Variants in MS4A4A observed in about 807,000 individuals in gnomAD.
MS4A4A encodes membrane spanning 4-domains A4A, also known as membrane-spanning 4-domains subfamily A member 4A.
MS4A4A carries 26 observed loss-of-function variants against 28.0 expected under a neutral mutation model. That is an observed-to-expected ratio of 0.93 (90% CI 0.68 to 1.29). The LOEUF (loss-of-function observed/expected upper bound fraction) is 1.29, where lower values mean the gene tolerates loss of function less well. Ranked by LOEUF, MS4A4A falls within the 50% of genes most tolerant of loss-of-function variation. The pLI is 0.00. For missense variants in MS4A4A, 290 were observed against 293.1 expected, an observed-to-expected ratio of 0.99 and a Z score of 0.08; for synonymous variants, 86 against 100.8, an observed-to-expected ratio of 0.85 and a Z score of 0.88.
intron 1 of MS4A4A, chr11:60,282,828 T>C (rs2084767278): frequency 1.0e-5 from 10 of 1,004,706 alleles, no homozygotes; most frequent in Non-Finnish European, 1.3e-6. Flanking sequence ...TGGTGAAATA[T>C]AAAAGAAGGC....
chr11:60,300,542 G>A (rs2084942883), intron 3 of MS4A4A, among the ~76,000 whole-genome samples: 1 of 150,098 alleles, frequency 6.7e-6, no homozygotes, highest in South Asian at 2.1e-4. Flanking sequence ...CGTGAACCCG[G>A]GAGGCGGAGC....
rs967278112 is a variant in MS4A4A at position 60,302,435 on chromosome 11, A to G, written c.388-124A>G. On this transcript the variant is annotated intron_variant, in intron 4 of 6. Coordinates refer to ENST00000337908, the MANE Select transcript of MS4A4A (RefSeq NM_148975.3). ...TTGAAACCACAAGACAAGTTAGAAG[A>G]CTATTGAAATAATCAAGATAATGAT... is the stretch of plus-strand genomic sequence containing the variant. The G allele has an allele frequency of 1.1e-5, 10 of 949,204 alleles. No homozygotes were observed. In the East Asian group the frequency reaches 2.6e-4, roughly 25 times the overall value. 58.8% of individuals were successfully genotyped at this position (949,204 alleles called of 1,614,324 possible).
chr11:60,300,482 G>C (rs2084941954), intron 3 of MS4A4A, among the ~76,000 whole-genome samples: 1 of 151,838 alleles, frequency 6.6e-6, no homozygotes, highest in Admixed American at 6.6e-5. Flanking sequence ...CCAGCGTAGT[G>C]GCGGGCTCCT....
chr11:60,305,460 T>C (rs1319305380), intron 5 of MS4A4A, among the ~76,000 whole-genome samples: 3 of 152,214 alleles, frequency 2.0e-5, no homozygotes, highest in African/African-American at 4.8e-5. Context: ...CTATGTTGCT[T>C]GGTTTGTCAT....
intron 2 of MS4A4A, among the ~76,000 whole-genome samples, chr11:60,295,054 T>C (rs141454415): frequency 2.3e-4 from 35 of 152,138 alleles, no homozygotes; most frequent in African/African-American, 8.4e-4. Context: ...ATGGAGATTG[T>C]ATTAAATCTA....
intron 3 of MS4A4A, among the ~76,000 whole-genome samples, chr11:60,300,624 A>G (rs2084945349): frequency 6.7e-6 from 1 of 150,232 alleles, no homozygotes; most frequent in Non-Finnish European, 1.5e-5. Flanking sequence ...TCAAAAAAAA[A>G]AAAAAAAAAA....
At chr11:60,301,162 C>G in intron 4 of MS4A4A, 105 bp downstream of exon 4, 1 of 948,356 alleles carries the variant, frequency 1.1e-6, no homozygotes, top group Non-Finnish European at 1.5e-6. Context: ...TGTAAAAAAT[C>G]AGGAGCGATT....
rs1433016682 is a variant in MS4A4A at position 60,289,489 on chromosome 11, G to T, written c.42-2736G>T. Among the ~76,000 whole-genome samples, 4 of 152,140 alleles carry T rather than the reference G, an allele frequency of 2.6e-5. No homozygotes were observed. The East Asian group carries it at 7.7e-4, about 29-fold the overall frequency. On this transcript the variant is annotated intron_variant, in intron 1 of 6. Coordinates refer to ENST00000337908, the MANE Select transcript of MS4A4A (RefSeq NM_148975.3). ...CATCCTGGGTTTCTATGATCTACAA[G>T]ATTTCTGCTACTCCTTTGCTGTTTT...
chr11:60,295,885 T>G (rs1319596575), intron 2 of MS4A4A, among the ~76,000 whole-genome samples: 1 of 152,168 alleles, frequency 6.6e-6, no homozygotes, highest in Non-Finnish European at 1.5e-5. Flanking sequence ...TTAGATTTAG[T>G]TTGCAGATAT....
chr11:60,283,861 C>T (rs1035393975), intron 1 of MS4A4A, among the ~76,000 whole-genome samples: 1 of 152,242 alleles, frequency 6.6e-6, no homozygotes, highest in Non-Finnish European at 1.5e-5. Flanking sequence ...AATATACCTA[C>T]TCCATCGCAT....
chr11:60,300,343 G>A (rs1375431816), intron 3 of MS4A4A, among the ~76,000 whole-genome samples: 4 of 152,010 alleles, frequency 2.6e-5, no homozygotes, highest in African/African-American at 9.7e-5. Context: ...TTGGCCGGGC[G>A]CAGTGGCTCA....
chr11:60,286,808 G>A (rs1300256823), intron 1 of MS4A4A, among the ~76,000 whole-genome samples: 1 of 152,064 alleles, frequency 6.6e-6, no homozygotes, highest in Non-Finnish European at 1.5e-5. Context: ...GTTAGATCTT[G>A]TTTTTTAAAA....
intron 5 of MS4A4A, among the ~76,000 whole-genome samples, chr11:60,304,494 G>T (rs894582642): frequency 5.3e-4 from 80 of 152,314 alleles, no homozygotes; most frequent in African/African-American, 1.6e-3. Context: ...CTTTATGCCT[G>T]TTCTTATAGC....
intron 1 of MS4A4A, among the ~76,000 whole-genome samples, chr11:60,282,134 T>G (rs1383652833): frequency 1.3e-5 from 2 of 152,162 alleles, no homozygotes; most frequent in African/African-American, 4.8e-5. Flanking sequence ...TACCAAAGAA[T>G]TATGGGAAAG....
At chr11:60,292,162 A>G (rs2084862604) in intron 1 of MS4A4A, 63 bp from the exon 2 acceptor site, 2 of 1,471,048 alleles carry the variant, frequency 1.4e-6, no homozygotes, top group Non-Finnish European at 1.8e-6. Context: ...AACCTGCCCC[A>G]AAGTGTCATG....
intron 1 of MS4A4A, among the ~76,000 whole-genome samples, chr11:60,284,318 T>C (rs1262577444): frequency 1.3e-5 from 2 of 152,236 alleles, no homozygotes; most frequent in African/African-American, 4.8e-5. Context: ...TTATTACTGG[T>C]ATTCCTACTA....
chr11:60,306,249 C>G (rs1187568907), intron 6 of MS4A4A, 48 bp downstream of exon 6: 1 of 1,402,548 alleles, frequency 7.1e-7, no homozygotes, highest in Non-Finnish European at 1.0e-6. Context: ...TTTTCTATTG[C>G]TGTGTAATCG....
In MS4A4A at chr11:60,297,092, T is replaced by A. The variant is rs2084911662; in HGVS notation, c.202-105T>A. The A allele has an allele frequency of 2.2e-6, 3 of 1,341,692 alleles. No homozygotes were observed. In the South Asian group the frequency reaches 3.6e-5, roughly 16 times the overall value. The allele number at this position is 1,341,692 out of a possible 1,614,324, so 83.1% of individuals were successfully genotyped here. A position where few individuals can be genotyped will look rare whatever the true frequency, so the allele number is the denominator to read the frequency against. Reference sequence around the variant, plus strand: ...GAGAATACTAAGAAGGTCATATGACTATCAAATGAAGGAGAATAAGGATAG... The same window carrying A: ...GAGAATACTAAGAAGGTCATATGACAATCAAATGAAGGAGAATAAGGATAG... On this transcript the variant is annotated intron_variant, in intron 2 of 6. Coordinates refer to ENST00000337908, the MANE Select transcript of MS4A4A (RefSeq NM_148975.3).
intron 1 of MS4A4A, among the ~76,000 whole-genome samples, chr11:60,290,617 A>G (rs994143618): frequency 6.6e-6 from 1 of 151,854 alleles, no homozygotes; most frequent in Non-Finnish European, 1.5e-5. Context: ...TTTAAAAGAA[A>G]TACTTATTTT....
Sources: allele counts gnomAD v4.1 joint callset (sites outside exome capture counted in the v4.1 genomes callset), GRCh38; gene constraint gnomAD v4.1.1; transcripts MANE v1.5; gene names NCBI Gene and HGNC (gene_info 2026-07-23, HGNC 2026-07-21).